The following ZCCHC2 variants were observed in gnomAD, a reference collection of about 807,000 sequenced individuals.
ZCCHC2 encodes the protein zinc finger CCHC domain-containing protein 2.
A neutral mutation model predicts 103.6 loss-of-function variants in ZCCHC2; 39 were observed. The ratio of observed to expected loss-of-function variants is 0.38; its 90% CI spans 0.29 to 0.49. The LOEUF (loss-of-function observed/expected upper bound fraction) is 0.49. Ranked by LOEUF, ZCCHC2 falls within the 20% of genes least tolerant of loss-of-function variation. ZCCHC2 has a pLI of 0.96. For missense variants in ZCCHC2, 1,483 were observed against 1,491.0 expected (o/e 0.99, Z 0.09); for synonymous variants, 687 against 608.9 (o/e 1.13, Z -1.89).
chr18:62,532,925 T>G (rs553199638), intron 1 of ZCCHC2, among the ~76,000 whole-genome samples: 1 of 152,114 alleles, frequency 6.6e-6, no homozygotes, highest in Non-Finnish European at 1.5e-5. Flanking sequence ...TAGTCCCAGC[T>G]ACTCAGGAGG....
intron 11 of ZCCHC2, among the ~76,000 whole-genome samples, chr18:62,569,239 C>A (rs1348183413): frequency 6.6e-6 from 1 of 152,158 alleles, no homozygotes; most frequent in Non-Finnish European, 1.5e-5. Context: ...AAGTCAGTTG[C>A]CTGCATTGCT....
chr18:62,533,831 C>T (rs1914798181), intron 1 of ZCCHC2, among the ~76,000 whole-genome samples: 1 of 130,668 alleles, frequency 7.7e-6, no homozygotes, highest in Non-Finnish European at 1.5e-5. Flanking sequence ...GATATGGTGA[C>T]ATTGCACTCC....
At position 62,523,334 on chromosome 18, in the gene ZCCHC2, C is replaced by T. The variant is rs1380902725; in HGVS notation, c.-91C>T. 4.1e-6 allele frequency: 4 copies of T among 986,998 alleles called. No individual in the cohort carries two copies. Among genetic ancestry groups the T allele is most frequent in the Non-Finnish European group, 4.8e-6 (4 of 832,308 alleles). The allele number at this position is 986,998 out of a possible 1,614,324, so 61.1% of individuals were successfully genotyped here. On this transcript the variant is annotated 5_prime_UTR_variant, in exon 1 of 14. Transcript: ENST00000269499. ...CCGGCGGCATGGAGGGGCCCCGCTC[C>T]TGACGGCCGCGCCGCCGCCTCGGCC...
chr18:62,523,737 G>T lies in ZCCHC2; in HGVS notation c.313G>T (p.Val105Leu), dbSNP rs982435538. 6.5e-7 allele frequency: 1 copy of T among 1,528,614 alleles called. No homozygotes were observed. The highest frequency in any genetic ancestry group is 8.7e-7 in the Non-Finnish European group (1 of 1,144,438). 94.7% of individuals were successfully genotyped at this position (1,528,614 alleles called of 1,614,324 possible). ...GCGGGTATACGAGTGGTTCGGGCTGGTGCTGGGCTCGGCGCAGCGCCTGGA... is the reference window on the plus strand; with the variant it reads ...GCGGGTATACGAGTGGTTCGGGCTGTTGCTGGGCTCGGCGCAGCGCCTGGA... Reference protein sequence around the residue: ...QERVYEWFGLVLGSAQRLEFM... With the variant: ...QERVYEWFGLLLGSAQRLEFM... Residue 105 changes from valine to leucine, a missense_variant, in exon 1 of 14, where the codon GTG becomes TTG. Coordinates refer to ENST00000269499, the MANE Select transcript of ZCCHC2 (RefSeq NM_017742.6).
At position 62,532,112 on chromosome 18, in the gene ZCCHC2, GGT is replaced by G. The variant is rs202104882; in HGVS notation, c.940-7559_940-7558del. 1.7e-3 allele frequency among the ~76,000 whole-genome samples: 258 copies of G among 152,316 alleles called. 1 individual carries two copies. The highest frequency in any genetic ancestry group is 4.0e-3 in the African/African-American group (165 of 41,566). Reference sequence around the variant, plus strand: ...AGGTTCCAGTGGGAGCCAGTGAAGGGGTGTGTGTGTGCGCGCGCGCGCACGTG... The same window carrying G: ...AGGTTCCAGTGGGAGCCAGTGAAGGGGTGTGTGTGCGCGCGCGCGCACGTG... On this transcript the variant is annotated intron_variant, in intron 1 of 13. Transcript: ENST00000269499.
intron 1 of ZCCHC2, among the ~76,000 whole-genome samples, chr18:62,537,602 A>G (rs1014699866): frequency 1.3e-5 from 2 of 152,194 alleles, no homozygotes; most frequent in African/African-American, 4.8e-5. Context: ...AAATCCTATT[A>G]TGTATCAGAA....
Position 62,558,509 on chromosome 18 carries a change from C to T in ZCCHC2, c.1409-178C>T, listed in dbSNP as rs112166576. ...CAGGGAACAGCTGGCCTCTTGAACACGGTTCCCACTCACAGTCTAGTGCTT... is the reference window on the plus strand; with the variant it reads ...CAGGGAACAGCTGGCCTCTTGAACATGGTTCCCACTCACAGTCTAGTGCTT... On this transcript the variant is annotated intron_variant, in intron 6 of 13. Coordinates refer to ENST00000269499, the MANE Select transcript of ZCCHC2 (RefSeq NM_017742.6). 2.7e-3 allele frequency: 1,083 copies of T among 396,942 alleles called. 10 individuals carry two copies. The highest frequency in any genetic ancestry group is 0.021 in the African/African-American group (979 of 47,710). The allele number at this position is 396,942 out of a possible 1,614,324, so 24.6% of individuals were successfully genotyped here. A position where few individuals can be genotyped will look rare whatever the true frequency, so the allele number is the denominator to read the frequency against.
chr18:62,577,404 CTG>C lies in ZCCHC2; in HGVS notation c.*830_*831del, dbSNP rs1334142634. The C allele has an allele frequency of 6.6e-6, 1 of 152,234 alleles. No individual in the cohort carries two copies. Among genetic ancestry groups the C allele is most frequent in the Non-Finnish European group, 1.5e-5 (1 of 68,044 alleles). The allele number at this position is 152,234 out of a possible 1,614,324, so 9.4% of individuals were successfully genotyped here. ...AACACACTGGTGTGAATGTCGCTCT[CTG>C]TGTGCTTGTGTTTGTAATGAAAGTC... On this transcript the variant is annotated 3_prime_UTR_variant, in exon 14 of 14. Transcript: ENST00000269499.
chr18:62,540,246 CA>C (rs1477470711), intron 2 of ZCCHC2, among the ~76,000 whole-genome samples: 1 of 152,182 alleles, frequency 6.6e-6, no homozygotes, highest in Non-Finnish European at 1.5e-5. Flanking sequence ...GGTGGAAGGA[CA>C]TTGCCATCTG....
chr18:62,550,393 A>G lies in ZCCHC2; in HGVS notation c.1246A>G (p.Arg416Gly). The change falls in exon 5 of 14, where the codon AGA becomes GGA. Residue 416 changes from arginine (R) to glycine (G), a missense_variant. Transcript: ENST00000269499. ...AGAGACTTTTGACAAGACCATCTTA[A>G]GAGCCCTGAATCAGGGTTCCTTGAA... ...SSETFDKTIL[R>G]ALNQGSLKRE... 1 of 1,613,920 alleles carries G rather than the reference A, an allele frequency of 6.2e-7. No individual in the cohort carries two copies. Among genetic ancestry groups the G allele is most frequent in the Non-Finnish European group, 8.5e-7 (1 of 1,179,862 alleles).
At chr18:62,583,588 G>T (rs1325043713) in intron 14 of ZCCHC2, among the ~76,000 whole-genome samples, 1 of 152,050 alleles carries the variant, frequency 6.6e-6, no homozygotes, top group Non-Finnish European at 1.5e-5. Context: ...TTAAGGCAGT[G>T]AAACCATATG....
intron 1 of ZCCHC2, among the ~76,000 whole-genome samples, chr18:62,532,656 A>G (rs1445776893): frequency 6.6e-6 from 1 of 152,060 alleles, no homozygotes; most frequent in Non-Finnish European, 1.5e-5. Context: ...GTCTTAAAGG[A>G]TTATTTGCTG....
intron 1 of ZCCHC2, among the ~76,000 whole-genome samples, chr18:62,537,307 A>G (rs184472577): frequency 1.5e-4 from 23 of 152,236 alleles, no homozygotes; most frequent in Non-Finnish European, 2.6e-4. Context: ...CGAGGACTAC[A>G]GGCACATACC....
In ZCCHC2 at chr18:62,575,320, A is replaced by G. The variant is rs1448712293; in HGVS notation, c.3239A>G (p.Tyr1080Cys). 8 of 1,613,938 alleles carry G rather than the reference A, an allele frequency of 5.0e-6. No individual in the cohort carries two copies. The highest frequency in any genetic ancestry group is 3.3e-5 in the Admixed American group (2 of 60,016). ...QLPFFLPQTP[Y>C]ANGLVHDPVM... ...CCTTTTTTTCTGCCTCAGACTCCAT[A>G]TGCAAATGGACTGGTACATGACCCA... The change falls in exon 13 of 14, where the codon TAT becomes TGT. Residue 1080 changes from tyrosine (Y) to cysteine (C), a missense_variant. Transcript: ENST00000269499.
At chr18:62,530,560 G>C (rs542119472) in intron 1 of ZCCHC2, among the ~76,000 whole-genome samples, 1 of 151,944 alleles carries the variant, frequency 6.6e-6, no homozygotes, top group African/African-American at 2.4e-5. Flanking sequence ...GGAGTATTTT[G>C]TATATTCTCT....
chr18:62,523,272 T>A lies in ZCCHC2; in HGVS notation c.-153T>A. On this transcript the variant is annotated 5_prime_UTR_variant, in exon 1 of 14. Coordinates refer to ENST00000269499, the MANE Select transcript of ZCCHC2 (RefSeq NM_017742.6). Reference sequence around the variant, plus strand: ...CCCCGCCGGCCGGCCACCGCCCCCCTCGCCGGCCGAGACCCGCCCCCGGCC... The same window carrying A: ...CCCCGCCGGCCGGCCACCGCCCCCCACGCCGGCCGAGACCCGCCCCCGGCC... 33 of 514,896 alleles carry A rather than the reference T, an allele frequency of 6.4e-5. No individual in the cohort carries two copies. Among genetic ancestry groups the A allele is most frequent in the South Asian group, 8.3e-5 (1 of 11,988 alleles). The allele number at this position is 514,896 out of a possible 1,614,324, so 31.9% of individuals were successfully genotyped here. A position where few individuals can be genotyped will look rare whatever the true frequency, so the allele number is the denominator to read the frequency against.
intron 11 of ZCCHC2, among the ~76,000 whole-genome samples, chr18:62,566,369 C>G (rs531938046): frequency 1.1e-4 from 17 of 152,298 alleles, no homozygotes; most frequent in African/African-American, 4.1e-4. Context: ...TCTTGTAACA[C>G]TTACTATCTC....
At chr18:62,575,607 T>C in intron 13 of ZCCHC2, 57 bp downstream of exon 13, 1 of 1,547,606 alleles carries the variant, frequency 6.5e-7, no homozygotes, top group South Asian at 1.2e-5. Flanking sequence ...TCTCCTTCCT[T>C]TCCTTATTGA....
At chr18:62,554,325 A>G (rs912710643) in intron 5 of ZCCHC2, among the ~76,000 whole-genome samples, 32 of 152,240 alleles carry the variant, frequency 2.1e-4, no homozygotes, top group African/African-American at 7.2e-4. Context: ...TTGGTACAGG[A>G]CACACTGCAT....
Sources: allele counts gnomAD v4.1 joint callset (sites outside exome capture counted in the v4.1 genomes callset), GRCh38; gene constraint gnomAD v4.1.1; transcripts MANE v1.5; gene names NCBI Gene and HGNC (gene_info 2026-07-23, HGNC 2026-07-21).